The following TACC2 variants were observed in gnomAD, a reference collection of about 807,000 sequenced individuals.
TACC2 encodes transforming acidic coiled-coil-containing protein 2.
Under a neutral mutation model 227.3 loss-of-function variants are expected in TACC2, and 137 were observed. That is an observed-to-expected ratio of 0.60 (90% CI 0.52 to 0.69). TACC2 has a LOEUF of 0.69. Ranked by LOEUF, TACC2 falls within the 30% of genes least tolerant of loss-of-function variation. The probability of loss-of-function intolerance (pLI) is 0.00; values close to 1 mark genes in which losing one functional copy is unlikely to be tolerated. For synonymous variants in TACC2, 1,523 were observed against 1,487.5 expected, an observed-to-expected ratio of 1.02 and a Z score of -0.55; for missense variants, 3,470 against 3,694.4, an observed-to-expected ratio of 0.94 and a Z score of 1.57.
At chr10:122,078,257 A>G (rs1218008909) in intron 3 of TACC2, among the ~76,000 whole-genome samples, 3 of 146,866 alleles carry the variant, frequency 2.0e-5, no homozygotes, top group East Asian at 2.1e-4. Flanking sequence ...GTCAGTGTTT[A>G]GTACATGGCA....
chr10:122,090,898 T>C (rs2080743023), intron 5 of TACC2, among the ~76,000 whole-genome samples: 1 of 152,150 alleles, frequency 6.6e-6, no homozygotes, highest in South Asian at 2.1e-4. Context: ...TGCACCACCA[T>C]GCTCAGCTTA....
Position 122,087,946 on chromosome 10 carries a change from C to T in TACC2, c.5446C>T (p.Leu1816Phe), listed in dbSNP as rs762000937. Reference protein sequence around the residue: ...PKLQHLAPEELHTDRESPRPG... With the variant: ...PKLQHLAPEEFHTDRESPRPG... ...GCTGCAACATTTGGCTCCAGAAGAGCTCCACACTGACAGGTACTTAAATGA... is the reference window on the plus strand; with the variant it reads ...GCTGCAACATTTGGCTCCAGAAGAGTTCCACACTGACAGGTACTTAAATGA... The change falls in exon 4 of 23, where the codon CTC (leucine) becomes TTC (phenylalanine). Residue 1816 changes from leucine to phenylalanine, a missense_variant. By Grantham distance (22) the Leu-to-Phe change is conservative (BLOSUM62 0). Coordinates refer to ENST00000369005, the MANE Select transcript of TACC2 (RefSeq NM_206862.4). 1.3e-5 allele frequency: 20 copies of T among 1,504,230 alleles called. No individual in the cohort carries two copies. The East Asian group carries it at 3.9e-4, about 29-fold the overall frequency. 93.2% of individuals were successfully genotyped at this position (1,504,230 alleles called of 1,614,324 possible).
chr10:122,086,355 G>A lies in TACC2; in HGVS notation c.3855G>A (p.Lys1285=). ...PLALENAASL[K]LFAGSLAPLL... ...CCTTGGAAAATGCTGCCTCCTTGAA[G>A]CTGTTTGCTGGCTCCCTCGCCCCCC... is the stretch of plus-strand genomic sequence containing the variant. The change falls in exon 4 of 23, where the codon AAG becomes AAA. Residue 1285 remains lysine, a synonymous_variant. Coordinates refer to ENST00000369005, the MANE Select transcript of TACC2 (RefSeq NM_206862.4). 6.2e-7 allele frequency: 1 copy of A among 1,613,700 alleles called. No homozygotes were observed. The highest frequency in any genetic ancestry group is 8.5e-7 in the Non-Finnish European group (1 of 1,180,012).
At chr10:122,221,513 C>T (rs990802998) in intron 11 of TACC2, among the ~76,000 whole-genome samples, 1 of 152,166 alleles carries the variant, frequency 6.6e-6, no homozygotes, top group Non-Finnish European at 1.5e-5. Context: ...AAAGTGCCCT[C>T]CTTGGAAGCC....
At chr10:122,179,058 C>T (rs761157061) in intron 7 of TACC2, among the ~76,000 whole-genome samples, 9 of 152,260 alleles carry the variant, frequency 5.9e-5, no homozygotes, top group South Asian at 2.1e-4. Flanking sequence ...AGTAACAAAA[C>T]GCTGAAGCAT....
At position 122,085,164 on chromosome 10, in the gene TACC2, C is replaced by A. The variant is rs765438006; in HGVS notation, c.2664C>A (p.Pro888=). Residue 888 remains proline, a synonymous_variant, in exon 4 of 23, where the codon CCC becomes CCA. Transcript: ENST00000369005. ...PVEPQEDNNL[P]THGGQEQALG... ...AACCTCAGGAAGATAACAACTTGCCCACTCATGGAGGACAGGAGCAGGCTT... is the reference window on the plus strand; with the variant it reads ...AACCTCAGGAAGATAACAACTTGCCAACTCATGGAGGACAGGAGCAGGCTT... 6.2e-7 allele frequency: 1 copy of A among 1,614,006 alleles called. No individual in the cohort carries two copies. Among genetic ancestry groups the A allele is most frequent in the Admixed American group, 1.7e-5 (1 of 59,996 alleles).
chr10:122,132,670 T>G lies in TACC2; in HGVS notation c.5635T>G (p.Leu1879Val), dbSNP rs2088570749. The change falls in exon 6 of 23, where the codon TTA becomes GTA. Residue 1879 changes from leucine to valine, a missense_variant. Coordinates refer to ENST00000369005, the MANE Select transcript of TACC2 (RefSeq NM_206862.4). ...CCCCGCAGACCTGGAAAGCCCAACC[T>G]TAGCTGCCTCTTCCTACCACGGTGA... is the stretch of plus-strand genomic sequence containing the variant. The part of the protein sequence containing the change: ...AAPADLESPT[L>V]AASSYHGDVV... 5.6e-6 allele frequency: 9 copies of G among 1,614,194 alleles called. No homozygotes were observed. Among genetic ancestry groups the G allele is most frequent in the South Asian group, 1.1e-5 (1 of 91,084 alleles).
At chr10:122,159,758 C>G (rs1177125247) in intron 7 of TACC2, among the ~76,000 whole-genome samples, 1 of 152,138 alleles carries the variant, frequency 6.6e-6, no homozygotes. Flanking sequence ...TGTTTACATT[C>G]TTAGCTCCTC....
chr10:122,237,831 T>G, intron 17 of TACC2, 130 bp from the exon 18 acceptor site: 1 of 748,572 alleles, frequency 1.3e-6, no homozygotes, highest in South Asian at 2.0e-5. Context: ...TCTCTGAATG[T>G]AATTATGGTT....
At position 122,210,738 on chromosome 10, in the gene TACC2, G is replaced by A. The variant is rs143340046; in HGVS notation, c.6313G>A (p.Ala2105Thr). The A allele has an allele frequency of 1.0e-3, 1,664 of 1,614,004 alleles. No homozygotes were observed. The highest frequency in any genetic ancestry group is 1.2e-3 in the Non-Finnish European group (1,420 of 1,180,024). The change falls in exon 9 of 23, where the codon GCC (alanine) becomes ACC (threonine). Residue 2105 changes from alanine (A) to threonine (T), a missense_variant. Physicochemically the swap from Ala to Thr is moderately conservative, Grantham distance 58. Coordinates refer to ENST00000369005, the MANE Select transcript of TACC2 (RefSeq NM_206862.4). The surrounding 1 kb of genome is among the most constrained non-coding windows in gnomAD (Gnocchi z 4.6). ...TGCTTCTTCCTCAGGCAATCCCGAG[G>A]CCGTGGCCCTTGCCCCAGATGCATA... is the stretch of plus-strand genomic sequence containing the variant. ...DGASSSGNPEAVALAPDAYST... is the reference protein window; with the variant it reads ...DGASSSGNPETVALAPDAYST...
intron 5 of TACC2, among the ~76,000 whole-genome samples, chr10:122,111,519 T>G (rs1226433800): frequency 6.6e-6 from 1 of 152,126 alleles, no homozygotes; most frequent in Non-Finnish European, 1.5e-5. Context: ...TGAGACGGAG[T>G]CTCGCTCTGT....
chr10:122,028,653 A>G (rs1055489738), intron 2 of TACC2, among the ~76,000 whole-genome samples: 1 of 152,052 alleles, frequency 6.6e-6, no homozygotes, highest in Admixed American at 6.6e-5. Flanking sequence ...CTATGTATGT[A>G]ATCACGTTAT....
chr10:122,227,947 A>T lies in TACC2; in HGVS notation c.7835A>T (p.Lys2612Ile). Residue 2612 changes from lysine to isoleucine, a missense_variant, in exon 14 of 23, where the codon AAA becomes ATA. This residue lies in a region of TACC2 where 345 missense variants were observed against 354.4 expected (regional missense o/e 0.97). Coordinates refer to ENST00000369005, the MANE Select transcript of TACC2 (RefSeq NM_206862.4). ...GAGTCACACTTGCAGGTGCCAGAGA[A>T]ATCCTCCCAGAAGGAGCTGGAGGCC... ...NQESHLQVPE[K>I]SSQKELEAMG... is the part of the protein sequence containing the mutation. 1 of 1,614,186 alleles carries T rather than the reference A, an allele frequency of 6.2e-7. No homozygotes were observed. The highest frequency in any genetic ancestry group is 8.5e-7 in the Non-Finnish European group (1 of 1,180,034).
chr10:122,036,702 C>T (rs1445934799), intron 2 of TACC2, among the ~76,000 whole-genome samples: 1 of 152,086 alleles, frequency 6.6e-6, no homozygotes, highest in Non-Finnish European at 1.5e-5. Flanking sequence ...AGTTGAGTTG[C>T]TTCCACCTTT....
chr10:122,201,801 A>G lies in TACC2; in HGVS notation c.5971+6625A>G, dbSNP rs1014243815. ...CCTGTTACAGATGACATTTGATAAT[A>G]ATAATAGAAAAATAGTAACATTGTG... On this transcript the variant is annotated intron_variant, in intron 8 of 22. Transcript: ENST00000369005. Among the ~76,000 whole-genome samples, 4 of 152,188 alleles carry G rather than the reference A, an allele frequency of 2.6e-5. 1 individual carries two copies. The highest frequency in any genetic ancestry group is 9.6e-5 in the African/African-American group (4 of 41,456).
intron 5 of TACC2, among the ~76,000 whole-genome samples, chr10:122,124,661 G>T (rs955590521): frequency 1.3e-5 from 2 of 152,194 alleles, no homozygotes; most frequent in East Asian, 3.9e-4. Flanking sequence ...GTGTGCTGGG[G>T]AGTGGCTGTT....
chr10:122,079,321 C>T (rs936971882), intron 3 of TACC2, among the ~76,000 whole-genome samples: 5 of 152,178 alleles, frequency 3.3e-5, no homozygotes, highest in Admixed American at 2.0e-4. Flanking sequence ...ATCCAAACCC[C>T]AAGTAGTTTT....
At chr10:122,178,608 G>C (rs2093839755) in intron 7 of TACC2, among the ~76,000 whole-genome samples, 3 of 152,170 alleles carry the variant, frequency 2.0e-5, no homozygotes, top group Admixed American at 6.5e-5. Flanking sequence ...AAAGGGTCAG[G>C]CGCAGTGGCT....
intron 1 of TACC2, among the ~76,000 whole-genome samples, chr10:122,007,851 C>T (rs1009326906): frequency 6.6e-6 from 1 of 152,024 alleles, no homozygotes; most frequent in African/African-American, 2.4e-5. Context: ...TGAATTAATC[C>T]ACTCATGAAT....
Sources: gnomAD v4.1 joint callset for allele counts (sites outside exome capture counted in the v4.1 genomes callset) on GRCh38, gnomAD v4.1.1 for gene constraint, gnomAD v4.1.1 regional missense constraint, Gnocchi (gnomAD v3.1) non-coding constraint, MANE v1.5 for transcripts, NCBI Gene and HGNC (gene_info 2026-07-23, HGNC 2026-07-21) for gene names.